The following SCAF8 variants were observed in gnomAD, a reference collection of about 807,000 sequenced individuals.
SCAF8 encodes SR-related CTD associated factor 8.
In SCAF8, 23 loss-of-function variants were observed where a neutral mutation model predicts 140.5. That is an observed-to-expected ratio of 0.16 (90% CI 0.12 to 0.23). The LOEUF is 0.23. Among genes scored for constraint, SCAF8 ranks in the 10% least tolerant of loss-of-function variants. The probability of loss-of-function intolerance (pLI) is 1.00; values close to 1 mark genes in which losing one functional copy is unlikely to be tolerated. For synonymous variants in SCAF8, 575 were observed against 528.9 expected, an observed-to-expected ratio of 1.09 and a Z score of -1.20; for missense variants, 1,397 against 1,555.7, an observed-to-expected ratio of 0.90 and a Z score of 1.72.
intron 7 of SCAF8, 124 bp from the exon 8 acceptor site, chr6:154,803,420 A>G (rs1339956425): frequency 4.2e-6 from 3 of 709,260 alleles, no homozygotes; most frequent in African/African-American, 1.8e-5. Flanking sequence ...AAGTGATACA[A>G]AATGTTTATT....
intron 1 of SCAF8, among the ~76,000 whole-genome samples, chr6:154,766,883 C>T (rs1270723784): frequency 1.3e-5 from 2 of 152,110 alleles, no homozygotes; most frequent in East Asian, 3.9e-4. Flanking sequence ...TATTGGGGTT[C>T]TCTTCCACAG....
chr6:154,747,726 CAG>C (rs1475867700), intron 1 of SCAF8, among the ~76,000 whole-genome samples: 1 of 152,080 alleles, frequency 6.6e-6, no homozygotes, highest in Non-Finnish European at 1.5e-5. Context: ...ACATCAAAAA[CAG>C]AGCAAAACAA....
At chr6:154,763,162 C>A (rs1449825359) in intron 1 of SCAF8, among the ~76,000 whole-genome samples, 1 of 152,134 alleles carries the variant, frequency 6.6e-6, no homozygotes, top group Admixed American at 6.6e-5. Context: ...TTCTCCCCTC[C>A]TCATTCTGCT....
chr6:154,802,654 A>T (rs1369466160), intron 7 of SCAF8, among the ~76,000 whole-genome samples: 3 of 152,056 alleles, frequency 2.0e-5, no homozygotes, highest in Admixed American at 6.6e-5. Flanking sequence ...TTTTTGAAAC[A>T]TTTAAAATAT....
chr6:154,771,979 A>G (rs983577677), intron 1 of SCAF8, among the ~76,000 whole-genome samples: 3 of 152,194 alleles, frequency 2.0e-5, no homozygotes, highest in Admixed American at 2.0e-4. Flanking sequence ...ATTAAGGTAA[A>G]TTGGACTGTG....
chr6:154,774,512 T>C (rs1776864095), intron 2 of SCAF8, among the ~76,000 whole-genome samples: 1 of 152,248 alleles, frequency 6.6e-6, no homozygotes, highest in Admixed American at 6.5e-5. Context: ...AGAATGTGTT[T>C]AACACTGTCT....
rs141943018 is a variant in SCAF8, at chr6:154,821,658, A to G, written c.1793-618A>G. ...CAGCCATCTGGGGAAAGAGTATTCT[A>G]TATGGAGGGAACAGCAAGTGCCATG... On this transcript the variant is annotated intron_variant, in intron 15 of 19. Transcript: ENST00000367178. 1.4e-3 allele frequency among the ~76,000 whole-genome samples: 218 copies of G among 152,282 alleles called. 1 individual carries two copies. The highest frequency in any genetic ancestry group is 6.4e-3 in the South Asian group (31 of 4,826).
intron 9 of SCAF8, among the ~76,000 whole-genome samples, chr6:154,806,652 A>T (rs1169910214): frequency 6.6e-6 from 1 of 152,206 alleles, no homozygotes; most frequent in Non-Finnish European, 1.5e-5. Flanking sequence ...AACTTGAGAC[A>T]TTGGGGTCTG....
chr6:154,800,090 C>T lies in SCAF8; in HGVS notation c.607-1881C>T, dbSNP rs553940208. On this transcript the variant is annotated intron_variant, in intron 6 of 19. Transcript: ENST00000367178. ...CATGAGCCACCGCACCTGGCCGTGA[C>T]TGCTATTTAAAACTGTAAACTCTTA... 3.0e-3 allele frequency among the ~76,000 whole-genome samples: 452 copies of T among 151,484 alleles called. 7 individuals carry two copies. Among genetic ancestry groups the T allele is most frequent in the African/African-American group, 0.011 (440 of 41,482 alleles).
At chr6:154,824,634 A>G (rs993472415) in intron 17 of SCAF8, among the ~76,000 whole-genome samples, 12 of 152,086 alleles carry the variant, frequency 7.9e-5, no homozygotes, top group African/African-American at 2.9e-4. Flanking sequence ...AGAAATATTG[A>G]ATTTCTTTAG....
At chr6:154,757,369 A>T (rs1178164864) in intron 1 of SCAF8, among the ~76,000 whole-genome samples, 1 of 152,220 alleles carries the variant, frequency 6.6e-6, no homozygotes, top group Non-Finnish European at 1.5e-5. Context: ...TGTCAAAAGT[A>T]AAGTTCTGAG....
At chr6:154,813,929 CT>C (rs1778171411) in intron 12 of SCAF8, among the ~76,000 whole-genome samples, 1 of 152,198 alleles carries the variant, frequency 6.6e-6, no homozygotes, top group Non-Finnish European at 1.5e-5. Flanking sequence ...AGATTCTCCC[CT>C]AGAGCCCTCT....
At chr6:154,734,517 C>G (rs948659257) in intron 1 of SCAF8, among the ~76,000 whole-genome samples, 1 of 152,182 alleles carries the variant, frequency 6.6e-6, no homozygotes, top group Non-Finnish European at 1.5e-5. Flanking sequence ...TCTGCAATAT[C>G]TTTTATTTTT....
At chr6:154,785,979 G>A (rs1442088318) in intron 3 of SCAF8, among the ~76,000 whole-genome samples, 1 of 152,134 alleles carries the variant, frequency 6.6e-6, no homozygotes, top group Non-Finnish European at 1.5e-5. Flanking sequence ...TAAAAATACC[G>A]TATGCCATTG....
At position 154,766,668 on chromosome 6, in the gene SCAF8, C is replaced by T. The variant is rs1452902770; in HGVS notation, c.31-7321C>T. ...ACCTCCCTCCAGCAGCACCCCCCCC[C>T]CTTTTTTTTTTTTTTTGCTATATCC... On this transcript the variant is annotated intron_variant, in intron 1 of 19. Transcript: ENST00000367178. 1.1e-3 allele frequency among the ~76,000 whole-genome samples: 104 copies of T among 97,298 alleles called. 3 individuals are homozygous for T. In the South Asian group the frequency reaches 0.029, roughly 27 times the overall value. 63.8% of individuals were successfully genotyped at this position (97,298 alleles called of 152,430 possible).
intron 4 of SCAF8, among the ~76,000 whole-genome samples, chr6:154,792,152 G>A (rs72993445): frequency 4.6e-4 from 70 of 152,208 alleles, no homozygotes; most frequent in Non-Finnish European, 4.7e-4. Context: ...TCTGCAAGGG[G>A]AAAGGGAATA....
Position 154,824,319 on chromosome 6 carries a change from G to A in SCAF8, c.2012G>A (p.Ser671Asn), listed in dbSNP as rs1432944121. 1.3e-5 allele frequency: 21 copies of A among 1,613,908 alleles called. No homozygotes were observed. Among genetic ancestry groups the A allele is most frequent in the Non-Finnish European group, 1.7e-5 (20 of 1,179,830 alleles). Reference sequence around the variant, plus strand: ...ATGCCGGTTCCTCCTCCTGGATTCAGTCCAATCCCTCCACCTCCTTTTTTA... The same window carrying A: ...ATGCCGGTTCCTCCTCCTGGATTCAATCCAATCCCTCCACCTCCTTTTTTA... ...VSMPVPPPGF[S>N]PIPPPPFLRA... Residue 671 changes from serine (S) to asparagine (N), a missense_variant, in exon 17 of 20, where the codon AGT becomes AAT. Ser to Asn is a conservative substitution (Grantham distance 46, BLOSUM62 1). This residue lies in a region of SCAF8 where 930 missense variants were observed against 874.6 expected (regional missense o/e 1.06). Transcript: ENST00000367178.
chr6:154,825,490 A>C (rs1275607771), intron 17 of SCAF8, among the ~76,000 whole-genome samples: 1 of 151,782 alleles, frequency 6.6e-6, no homozygotes, highest in East Asian at 2.0e-4. Flanking sequence ...GCCCAGGAAC[A>C]GAGTGACACC....
chr6:154,781,323 C>T (rs1485946250), intron 3 of SCAF8, among the ~76,000 whole-genome samples: 6 of 152,102 alleles, frequency 3.9e-5, no homozygotes, highest in Non-Finnish European at 8.8e-5. Context: ...CAAACCACTG[C>T]TCAAGGAAAT....
Sources: allele counts gnomAD v4.1 joint callset (sites outside exome capture counted in the v4.1 genomes callset), GRCh38; gene constraint gnomAD v4.1.1; regional missense constraint gnomAD v4.1.1; transcripts MANE v1.5; gene names NCBI Gene and HGNC (gene_info 2026-07-23, HGNC 2026-07-21).